The following KCNJ6 variants were observed in gnomAD, a reference collection of about 807,000 sequenced individuals.
KCNJ6 encodes potassium inwardly rectifying channel subfamily J member 6.
In KCNJ6, 9 loss-of-function variants were observed where a neutral mutation model predicts 34.2. The observed-to-expected ratio is 0.26, with a 90% confidence interval of 0.16 to 0.46. KCNJ6 has a LOEUF of 0.46. KCNJ6 is among the 20% of genes least tolerant of loss of function. The probability of loss-of-function intolerance (pLI) is 1.00; values close to 1 mark genes in which losing one functional copy is unlikely to be tolerated. For missense variants in KCNJ6, 236 were observed against 531.3 expected (o/e 0.44, Z 5.46); for synonymous variants, 196 against 207.1 (o/e 0.95, Z 0.46).
intron 3 of KCNJ6, among the ~76,000 whole-genome samples, chr21:37,712,857 G>A (rs2054769338): frequency 6.6e-6 from 1 of 150,662 alleles, no homozygotes; most frequent in African/African-American, 2.4e-5. Flanking sequence ...TCAGGCTCAA[G>A]GTACAGATAG....
intron 2 of KCNJ6, chr21:37,717,034 C>CT (rs1281329397): frequency 1.3e-5 from 2 of 154,282 alleles, no homozygotes; most frequent in Admixed American, 6.5e-5. Flanking sequence ...GATTTGAGTG[C>CT]CCCCAACCTA....
intron 2 of KCNJ6, among the ~76,000 whole-genome samples, chr21:37,836,408 T>C (rs556675803): frequency 2.0e-5 from 3 of 152,334 alleles, no homozygotes; most frequent in South Asian, 4.1e-4. Flanking sequence ...CAAAGGATTA[T>C]AAATCATTCT....
chr21:37,901,832 C>A lies in KCNJ6; in HGVS notation c.-28+14052G>T, dbSNP rs79912268. Among the ~76,000 whole-genome samples, 1,082 of 152,310 alleles carry A rather than the reference C, an allele frequency of 7.1e-3. 6 individuals are homozygous for A. The highest frequency in any genetic ancestry group is 0.012 in the Non-Finnish European group (789 of 68,010). On this transcript the variant is annotated intron_variant, in intron 1 of 3. Coordinates refer to ENST00000609713, the MANE Select transcript of KCNJ6 (RefSeq NM_002240.5). The stretch of plus-strand genomic sequence containing the variant: ...GTAGTGTAAGTAGCATATCTGCCTT[C>A]TGAAGTAACACATATGCTTGGCATT...
At chr21:37,841,356 T>C (rs2055479943) in intron 1 of KCNJ6, among the ~76,000 whole-genome samples, 1 of 152,256 alleles carries the variant, frequency 6.6e-6, no homozygotes, top group Non-Finnish European at 1.5e-5. Context: ...ATACTGGTCA[T>C]CTCTACTGAA....
chr21:37,638,189 C>T (rs2054366338), intron 3 of KCNJ6, among the ~76,000 whole-genome samples: 2 of 152,154 alleles, frequency 1.3e-5, no homozygotes, highest in African/African-American at 4.8e-5. Context: ...CTCTGTTGCC[C>T]AGGCTGAAGT....
At chr21:37,773,707 C>A (rs998896740) in intron 2 of KCNJ6, among the ~76,000 whole-genome samples, 10 of 152,172 alleles carry the variant, frequency 6.6e-5, no homozygotes, top group Non-Finnish European at 1.3e-4. Context: ...CAAATGGACC[C>A]TCTGCACCAC....
intron 2 of KCNJ6, among the ~76,000 whole-genome samples, chr21:37,817,375 A>G (rs958464728): frequency 6.6e-6 from 1 of 152,198 alleles, no homozygotes; most frequent in Non-Finnish European, 1.5e-5. Flanking sequence ...GCAAAGAATT[A>G]ATGAAAATGG....
At chr21:37,733,517 C>T (rs1373781021) in intron 2 of KCNJ6, among the ~76,000 whole-genome samples, 1 of 152,226 alleles carries the variant, frequency 6.6e-6, no homozygotes, top group African/African-American at 2.4e-5. Context: ...AGTGGCCAAA[C>T]ATCTCCGCAT....
At chr21:37,825,820 A>G (rs1459223336) in intron 2 of KCNJ6, among the ~76,000 whole-genome samples, 1 of 152,242 alleles carries the variant, frequency 6.6e-6, no homozygotes, top group African/African-American at 2.4e-5. Flanking sequence ...AGGGAGAATG[A>G]GAACCAAGCA....
At chr21:37,896,532 C>T (rs1222058077) in intron 1 of KCNJ6, among the ~76,000 whole-genome samples, 5 of 152,142 alleles carry the variant, frequency 3.3e-5, no homozygotes, top group Non-Finnish European at 5.9e-5. Context: ...ATTACGGGCA[C>T]GGAACATGCA....
At chr21:37,778,095 C>CT (rs745707607) in intron 2 of KCNJ6, among the ~76,000 whole-genome samples, 5 of 152,112 alleles carry the variant, frequency 3.3e-5, no homozygotes, top group East Asian at 3.9e-4. Flanking sequence ...AGGCATTCTG[C>CT]TTTTTTTCCA....
At position 37,625,396 on chromosome 21, in the gene KCNJ6, C is replaced by T; in HGVS notation, c.1035G>A (p.Gly345=). ...RFTPVLTLED[G]FYEVDYNSFH... ...AGCTGTTGTAGTCAACTTCGTAGAA[C>T]CCGTCCTCCAGGGTCAGGACAGGTG... Residue 345 remains glycine, a synonymous_variant, in exon 4 of 4, where the codon GGG becomes GGA. Transcript: ENST00000609713. The T allele has an allele frequency of 6.2e-7, 1 of 1,614,164 alleles. No individual in the cohort carries two copies. Among genetic ancestry groups the T allele is most frequent in the South Asian group, 1.1e-5 (1 of 91,080 alleles).
In KCNJ6 at chr21:37,608,534, G is replaced by A. The variant is rs2054232080; in HGVS notation, c.*16625C>T. ...GCAAATGTCCCTTTCTTCCTCATGA[G>A]GCCATTTCTTACTGCTTACGCAGAA... On this transcript the variant is annotated 3_prime_UTR_variant, in exon 4 of 4. Coordinates refer to ENST00000609713, the MANE Select transcript of KCNJ6 (RefSeq NM_002240.5). The A allele has an allele frequency of 6.6e-6, 1 of 152,178 alleles. No individual in the cohort carries two copies. The highest frequency in any genetic ancestry group is 1.5e-5 in the Non-Finnish European group (1 of 68,034). 9.4% of individuals were successfully genotyped at this position (152,178 alleles called of 1,614,324 possible). A position where few individuals can be genotyped will look rare whatever the true frequency, so the allele number is the denominator to read the frequency against.
chr21:37,787,348 A>G (rs1047212176), intron 2 of KCNJ6, among the ~76,000 whole-genome samples: 1 of 152,200 alleles, frequency 6.6e-6, no homozygotes, highest in Non-Finnish European at 1.5e-5. Flanking sequence ...AAGGAGCTCT[A>G]CATCCCTGGA....
intron 2 of KCNJ6, among the ~76,000 whole-genome samples, chr21:37,777,836 C>T (rs1295752783): frequency 1.3e-5 from 2 of 152,140 alleles, no homozygotes; most frequent in East Asian, 1.9e-4. Context: ...GTGCTTTGTG[C>T]GTGCTTGGGA....
rs1292361704 is a variant in KCNJ6, at chr21:37,614,416, CTGTG to C, written c.*10739_*10742del. 13 of 87,674 alleles carry C rather than the reference CTGTG, an allele frequency of 1.5e-4. No individual in the cohort carries two copies. Among genetic ancestry groups the C allele is most frequent in the African/African-American group, 4.2e-4 (11 of 26,448 alleles). 5.4% of individuals were successfully genotyped at this position (87,674 alleles called of 1,614,324 possible). Reference sequence around the variant, plus strand: ...TGTGTGCGTATGCATGTGTCTGTGTCTGTGTGAGTATGCGTGTATCTCTGTGTGT... The same window carrying C: ...TGTGTGCGTATGCATGTGTCTGTGTCTGAGTATGCGTGTATCTCTGTGTGT... On this transcript the variant is annotated 3_prime_UTR_variant, in exon 4 of 4. Transcript: ENST00000609713.
chr21:37,665,832 G>A (rs2054511493), intron 3 of KCNJ6, among the ~76,000 whole-genome samples: 1 of 152,234 alleles, frequency 6.6e-6, no homozygotes, highest in Non-Finnish European at 1.5e-5. Context: ...CAGCAGCTGA[G>A]GGTGATGTGT....
intron 2 of KCNJ6, among the ~76,000 whole-genome samples, chr21:37,718,935 C>T (rs1466574171): frequency 1.3e-5 from 2 of 152,164 alleles, no homozygotes; most frequent in Non-Finnish European, 2.9e-5. Context: ...GGGTCCCTCC[C>T]AGGTGAGGCC....
At chr21:37,743,846 C>A (rs918941286) in intron 2 of KCNJ6, among the ~76,000 whole-genome samples, 1 of 151,826 alleles carries the variant, frequency 6.6e-6, no homozygotes, top group Non-Finnish European at 1.5e-5. Context: ...ATTAAAAAAA[C>A]CCCTCAGCGA....
Sources: gnomAD v4.1 joint callset for allele counts (sites outside exome capture counted in the v4.1 genomes callset) on GRCh38, gnomAD v4.1.1 for gene constraint, MANE v1.5 for transcripts, NCBI Gene and HGNC (gene_info 2026-07-23, HGNC 2026-07-21) for gene names.